Variants in FAM228B observed in about 807,000 individuals in gnomAD.
FAM228B encodes the protein protein FAM228B.
In FAM228B, 38 loss-of-function variants were observed where a neutral mutation model predicts 42.6. That is an observed-to-expected ratio of 0.89 (90% confidence interval 0.69 to 1.17). FAM228B has a LOEUF of 1.17. FAM228B is among the 50% of genes most tolerant of loss of function. The pLI is 0.00. For synonymous variants in FAM228B, 109 were observed against 122.3 expected (o/e 0.89, Z 0.72); for missense variants, 344 against 367.3 (o/e 0.94, Z 0.52).
intron 7 of FAM228B, among the ~76,000 whole-genome samples, chr2:24,155,529 ATATTTTTTTTTT>A (rs1457616457): frequency 0.013 from 166 of 12,622 alleles, no homozygotes; most frequent in South Asian, 0.075. Context: ...ATATATATAT[ATATTTTTTTTTT>A]TTTTTTTTTT....
upstream of FAM228B, chr2:24,121,382 A>G: frequency 7.4e-7 from 1 of 1,342,372 alleles, no homozygotes; most frequent in Non-Finnish European, 1.0e-6. Flanking sequence ...CCTGTTTTTT[A>G]TGGCCTGCAA....
intron 3 of FAM228B, among the ~76,000 whole-genome samples, chr2:24,112,684 T>G (rs13028767): frequency 0.12 from 18,116 of 152,210 alleles, 1,260 homozygotes; most frequent in South Asian, 0.18. Context: ...TTTGTAATCC[T>G]AATTTAATAG....
chr2:24,094,595 C>A (rs1194645313), intron 2 of FAM228B, among the ~76,000 whole-genome samples: 1 of 152,112 alleles, frequency 6.6e-6, no homozygotes, highest in Non-Finnish European at 1.5e-5. Context: ...AGGAATCCTA[C>A]CACCTCAGTC....
chr2:24,127,846 A>G (rs1247338562), intron 2 of FAM228B, among the ~76,000 whole-genome samples: 1 of 152,114 alleles, frequency 6.6e-6, no homozygotes, highest in East Asian at 1.9e-4. Flanking sequence ...TATTTTTAGA[A>G]GAGTTGAGGT....
chr2:24,132,464 G>GTTT (rs548264853), intron 2 of FAM228B, among the ~76,000 whole-genome samples: 5,260 of 55,978 alleles, frequency 0.094, 872 homozygotes, highest in Non-Finnish European at 0.14. Context: ...TCCTGGGATT[G>GTTT]TTTTTTTTTT....
chr2:24,115,442 T>C (rs1168791022), intron 3 of FAM228B: 2 of 660,556 alleles, frequency 3.0e-6, no homozygotes, highest in Non-Finnish European at 5.2e-6. Context: ...TCTCTGGAAG[T>C]AATAAAAATT....
intron 3 of FAM228B, among the ~76,000 whole-genome samples, chr2:24,102,670 G>A (rs1665629054): frequency 6.6e-6 from 1 of 152,168 alleles, no homozygotes; most frequent in Admixed American, 6.5e-5. Flanking sequence ...CCCTGGAGGT[G>A]GAGGTTGCAG....
intron 9 of FAM228B, 113 bp downstream of exon 9, chr2:24,164,448 C>G: frequency 8.3e-7 from 1 of 1,201,022 alleles, no homozygotes; most frequent in Non-Finnish European, 1.1e-6. Flanking sequence ...AGAGAGGAGG[C>G]AGTGGGGAAT....
intron 3 of FAM228B, among the ~76,000 whole-genome samples, chr2:24,097,942 C>T (rs184949581): frequency 7.2e-5 from 11 of 152,320 alleles, no homozygotes; most frequent in Admixed American, 3.3e-4. Flanking sequence ...TCTCTCAGAC[C>T]ACAGTGCAAT....
chr2:24,085,037 C>T (rs1665198562), intron 2 of FAM228B: 1 of 152,238 alleles, frequency 6.6e-6, no homozygotes, highest in African/African-American at 2.4e-5. Flanking sequence ...GCTCTCACTT[C>T]AAGGAGAGGA....
chr2:24,122,068 A>G (rs1159420390), upstream of FAM228B, among the ~76,000 whole-genome samples: 1 of 152,202 alleles, frequency 6.6e-6, no homozygotes, highest in African/African-American at 2.4e-5. Flanking sequence ...ACGGTGGCTC[A>G]TGCCTGTAAT....
intron 7 of FAM228B, among the ~76,000 whole-genome samples, chr2:24,151,745 C>T (rs1415525135): frequency 6.6e-6 from 1 of 151,124 alleles, no homozygotes; most frequent in Non-Finnish European, 1.5e-5. Context: ...TGCAGTGGTG[C>T]AATCTCGGCT....
Position 24,124,461 on chromosome 2 carries a change from G to T in FAM228B, c.99+1G>T, listed in dbSNP as rs1666250118. On this transcript the variant is annotated splice_donor_variant, in intron 2 of 10. Transcript: ENST00000615575. LOFTEE classifies it high-confidence loss of function. ...GCCCAAGCCCCTTTGTTTTATGGAG[G>T]TATATATCAAATAGTGTGGGATTTG... 1 of 1,541,392 alleles carries T rather than the reference G, an allele frequency of 6.5e-7. No individual in the cohort carries two copies. Among genetic ancestry groups the T allele is most frequent in the African/African-American group, 1.4e-5 (1 of 72,430 alleles).
At chr2:24,083,933 C>T (rs558304680) in intron 2 of FAM228B, among the ~76,000 whole-genome samples, 1 of 152,310 alleles carries the variant, frequency 6.6e-6, no homozygotes, top group Non-Finnish European at 1.5e-5. Flanking sequence ...CACCCCACAA[C>T]AATGTTAGTT....
chr2:24,143,334 C>A (rs1269921213), intron 5 of FAM228B, among the ~76,000 whole-genome samples: 1 of 150,786 alleles, frequency 6.6e-6, no homozygotes, highest in African/African-American at 2.5e-5. Flanking sequence ...GCGCCCGCCA[C>A]CACGCCCGGC....
In FAM228B at chr2:24,077,482, G is replaced by A. The variant is rs1664799940; in HGVS notation, c.-290+513G>A. 2 of 1,379,674 alleles carry A rather than the reference G, an allele frequency of 1.4e-6. No individual in the cohort carries two copies. Among genetic ancestry groups the A allele is most frequent in the Non-Finnish European group, 1.9e-6 (2 of 1,032,542 alleles). The allele number at this position is 1,379,674 out of a possible 1,614,324, so 85.5% of individuals were successfully genotyped here. ...ATATCAGCTTTAAACGGCTCTGGAG[G>A]AAGCACCGGGTTTCTTGGCCTGTCT... On this transcript the variant is annotated intron_variant, in intron 1 of 10. Transcript: ENST00000613899. The surrounding 1 kb of genome is among the most constrained non-coding windows in gnomAD (Gnocchi z 5.5).
chr2:24,106,316 CTTTTT>C (rs386389714), intron 3 of FAM228B, among the ~76,000 whole-genome samples: 1 of 106,388 alleles, frequency 9.4e-6, no homozygotes, highest in East Asian at 2.7e-4. Flanking sequence ...ATTCAGCATT[CTTTTT>C]TTTTTTTTTT....
intron 3 of FAM228B, among the ~76,000 whole-genome samples, chr2:24,117,198 T>C (rs1665948363): frequency 6.6e-6 from 1 of 151,830 alleles, no homozygotes; most frequent in African/African-American, 2.4e-5. Flanking sequence ...GTATTTTTGG[T>C]AGAAATGGGG....
chr2:24,147,093 G>C lies in FAM228B; in HGVS notation c.686+7G>C. On this transcript the variant is annotated splice_region_variant and intron_variant, in intron 7 of 10. Coordinates refer to ENST00000615575, the MANE Select transcript of FAM228B (RefSeq NM_001145710.2). The stretch of plus-strand genomic sequence containing the variant: ...AATTTTGTAGAAGGAGAAGGTAATG[G>C]TTAATATACTAGAAATTATAGAACC... 6.5e-7 allele frequency: 1 copy of C among 1,533,010 alleles called. No homozygotes were observed. The highest frequency in any genetic ancestry group is 8.8e-7 in the Non-Finnish European group (1 of 1,135,460). 95.0% of individuals were successfully genotyped at this position (1,533,010 alleles called of 1,614,324 possible). A position where few individuals can be genotyped will look rare whatever the true frequency, so the allele number is the denominator to read the frequency against.
Sources: gnomAD v4.1 joint callset for allele counts (sites outside exome capture counted in the v4.1 genomes callset) on GRCh38, gnomAD v4.1.1 for gene constraint, Gnocchi (gnomAD v3.1) non-coding constraint, MANE v1.5 for transcripts, NCBI Gene and HGNC (gene_info 2026-07-23, HGNC 2026-07-21) for gene names.